HSD17B4: variants seen among roughly 807,000 people sequenced by gnomAD.
The protein encoded by HSD17B4 is hydroxysteroid 17-beta dehydrogenase 4.
In HSD17B4, 70 loss-of-function variants were observed where a neutral mutation model predicts 101.0. The ratio of observed to expected loss-of-function variants is 0.69; its 90% CI spans 0.57 to 0.85. The LOEUF (loss-of-function observed/expected upper bound fraction) is 0.85. Ranked by LOEUF, HSD17B4 falls within the 40% of genes least tolerant of loss-of-function variation. The probability of loss-of-function intolerance (pLI) is 0.00; values close to 1 mark genes in which losing one functional copy is unlikely to be tolerated. For synonymous variants in HSD17B4, 347 were observed against 297.1 expected (o/e 1.17, Z -1.73); for missense variants, 984 against 892.4 (o/e 1.10, Z -1.31).
At chr5:119,482,374 A>T (rs566894401) in intron 8 of HSD17B4, among the ~76,000 whole-genome samples, 5 of 151,904 alleles carry the variant, frequency 3.3e-5, no homozygotes, top group Admixed American at 6.6e-5. Context: ...CACTTTTTCC[A>T]TTAGAGCCCT....
chr5:119,524,521 A>G (rs66831568), intron 17 of HSD17B4, among the ~76,000 whole-genome samples: 20,420 of 152,104 alleles, frequency 0.13, 2,173 homozygotes, highest in African/African-American at 0.29. Flanking sequence ...TGTTTGGTGA[A>G]TTTCTTCCTT....
In HSD17B4 at chr5:119,473,907, G is replaced by A. The variant is rs1224475289; in HGVS notation, c.113-1G>A. The A allele has an allele frequency of 6.5e-7, 1 of 1,544,878 alleles. No individual in the cohort carries two copies. Among genetic ancestry groups the A allele is most frequent in the South Asian group, 1.1e-5 (1 of 89,658 alleles). On this transcript the variant is annotated splice_acceptor_variant, in intron 2 of 23. Transcript: ENST00000510025. LOFTEE classifies it high-confidence loss of function. ...GTTGTTTGCTTGTTTTTGCATTACA[G>A]TGAATGATTTGGGAGGGGACTTCAA...
chr5:119,507,599 C>T (rs988905655), intron 15 of HSD17B4, among the ~76,000 whole-genome samples: 8 of 151,414 alleles, frequency 5.3e-5, no homozygotes, highest in East Asian at 1.9e-4. Flanking sequence ...CTGGCTAACA[C>T]GGTGAAACCC....
intron 2 of HSD17B4, among the ~76,000 whole-genome samples, chr5:119,470,409 A>G (rs1756245291): frequency 6.6e-6 from 1 of 152,114 alleles, no homozygotes; most frequent in Admixed American, 6.5e-5. Flanking sequence ...ATGGTGTCAT[A>G]CTGTAACAGC....
intron 17 of HSD17B4, among the ~76,000 whole-genome samples, chr5:119,517,453 C>T (rs1026423369): frequency 2.0e-5 from 3 of 152,230 alleles, no homozygotes; most frequent in African/African-American, 4.8e-5. Context: ...CTCCACGGCG[C>T]CCAGTCCCAT....
chr5:119,488,109 T>C lies in HSD17B4; in HGVS notation c.623-1083T>C, dbSNP rs74366665. On this transcript the variant is annotated intron_variant, in intron 8 of 23. Coordinates refer to ENST00000510025, the MANE Select transcript of HSD17B4 (RefSeq NM_000414.4). ...CATTTATTTGATCTTTTAGATAAAA[T>C]TGTATGATTTGTAAGACACAAATTG... Among the ~76,000 whole-genome samples the C allele has an allele frequency of 7.0e-3, 1,062 of 152,272 alleles. 14 individuals carry two copies. The highest frequency in any genetic ancestry group is 0.024 in the African/African-American group (1,001 of 41,556).
At chr5:119,469,958 C>T (rs187290058) in intron 2 of HSD17B4, among the ~76,000 whole-genome samples, 269 of 152,060 alleles carry the variant, frequency 1.8e-3, no homozygotes, top group African/African-American at 6.2e-3. Flanking sequence ...GTTGTCTGTC[C>T]CTGGTGGGTG....
intron 2 of HSD17B4, chr5:119,456,639 C>T: frequency 2.1e-6 from 1 of 468,194 alleles, no homozygotes; most frequent in Non-Finnish European, 3.9e-6. Context: ...TCCAGTGACT[C>T]AGGAGGCTGA....
chr5:119,521,104 G>C (rs918872949), intron 17 of HSD17B4, among the ~76,000 whole-genome samples: 1 of 152,198 alleles, frequency 6.6e-6, no homozygotes, highest in African/African-American at 2.4e-5. Context: ...AACGGCTCCT[G>C]TGTATAGTGT....
At chr5:119,463,376 G>A (rs957979806) in intron 2 of HSD17B4, among the ~76,000 whole-genome samples, 1 of 152,084 alleles carries the variant, frequency 6.6e-6, no homozygotes, top group Admixed American at 6.6e-5. Flanking sequence ...TATATACCCA[G>A]CAATGGGATT....
rs374636329 is a variant in HSD17B4 at position 119,507,031 on chromosome 5, C to G, written c.1333+142C>G. 52 of 539,178 alleles carry G rather than the reference C, an allele frequency of 9.6e-5. 2 individuals carry two copies. The highest frequency in any genetic ancestry group is 1.1e-3 in the Middle Eastern group (2 of 1,822). The allele number at this position is 539,178 out of a possible 1,614,324, so 33.4% of individuals were successfully genotyped here. A position where few individuals can be genotyped will look rare whatever the true frequency, so the allele number is the denominator to read the frequency against. On this transcript the variant is annotated intron_variant, in intron 15 of 23. Coordinates refer to ENST00000510025, the MANE Select transcript of HSD17B4 (RefSeq NM_000414.4). ...AAAACAAGATAAGCATTTTTAAACT[C>G]TTTAAGAAAAATAAAGAAGGAGGGG... is the stretch of plus-strand genomic sequence containing the variant.
chr5:119,483,561 C>T (rs969224795), intron 8 of HSD17B4, among the ~76,000 whole-genome samples: 2 of 151,938 alleles, frequency 1.3e-5, no homozygotes, highest in African/African-American at 4.8e-5. Flanking sequence ...TGTATTTTAC[C>T]TTATTCATGT....
Position 119,476,603 on chromosome 5 carries a change from A to G in HSD17B4, c.349+733A>G, listed in dbSNP as rs930813710. 6 of 985,150 alleles carry G rather than the reference A, an allele frequency of 6.1e-6. No homozygotes were observed. The African/African-American group carries it at 8.7e-5, about 14-fold the overall frequency. The allele number at this position is 985,150 out of a possible 1,614,324, so 61.0% of individuals were successfully genotyped here. On this transcript the variant is annotated intron_variant, in intron 6 of 23. Transcript: ENST00000510025. ...GTCTTTGATTTAGAATTAAGCTAAG[A>G]AGAGCTTTTAGTTTCTGCTTCCCTT...
chr5:119,462,890 A>C (rs903576127), intron 2 of HSD17B4, among the ~76,000 whole-genome samples: 4 of 152,174 alleles, frequency 2.6e-5, no homozygotes, highest in Non-Finnish European at 4.4e-5. Flanking sequence ...ATTTGAAAAT[A>C]TAGTATAAAT....
chr5:119,505,584 A>G (rs968056741), intron 14 of HSD17B4, among the ~76,000 whole-genome samples: 1 of 151,970 alleles, frequency 6.6e-6, no homozygotes, highest in African/African-American at 2.4e-5. Flanking sequence ...TTTTTTGTTC[A>G]TTGATTTTGT....
At chr5:119,538,589 T>TG (rs1236834611) in intron 23 of HSD17B4, among the ~76,000 whole-genome samples, 2 of 152,204 alleles carry the variant, frequency 1.3e-5, no homozygotes, top group African/African-American at 4.8e-5. Context: ...GCTGTTACCA[T>TG]GTCGTGTATG....
intron 20 of HSD17B4, among the ~76,000 whole-genome samples, chr5:119,528,105 T>G (rs958638219): frequency 6.6e-6 from 1 of 152,154 alleles, no homozygotes; most frequent in Non-Finnish European, 1.5e-5. Flanking sequence ...CTGGCAATAG[T>G]ATTTTCTTTA....
At position 119,474,395 on chromosome 5, in the gene HSD17B4, C is replaced by T. The variant is rs1748367346; in HGVS notation, c.221-6C>T. On this transcript the variant is annotated splice_region_variant and splice_polypyrimidine_tract_variant and intron_variant, in intron 3 of 23. Coordinates refer to ENST00000510025, the MANE Select transcript of HSD17B4 (RefSeq NM_000414.4). ...GAAATTTCATACAAATTTTCCTTTC[C>T]CTCAGATTCAGTGGAAGAAGGAGAG... 1 of 1,600,638 alleles carries T rather than the reference C, an allele frequency of 6.2e-7. No individual in the cohort carries two copies. Among genetic ancestry groups the T allele is most frequent in the South Asian group, 1.1e-5 (1 of 90,774 alleles).
At position 119,474,255 on chromosome 5, in the gene HSD17B4, T is replaced by A. The variant is rs1372847329; in HGVS notation, c.221-146T>A. The A allele has an allele frequency of 4.1e-6, 3 of 724,988 alleles. No individual in the cohort carries two copies. In the East Asian group the frequency reaches 7.9e-5, roughly 19 times the overall value. 44.9% of individuals were successfully genotyped at this position (724,988 alleles called of 1,614,324 possible). A position where few individuals can be genotyped will look rare whatever the true frequency, so the allele number is the denominator to read the frequency against. ...TATTTTTATTAGTGAGCACATGATA[T>A]AATTAGTAAATTATTGTAGATATGG... On this transcript the variant is annotated intron_variant, in intron 3 of 23. Coordinates refer to ENST00000510025, the MANE Select transcript of HSD17B4 (RefSeq NM_000414.4).
Sources: gnomAD v4.1 joint callset for allele counts (sites outside exome capture counted in the v4.1 genomes callset) on GRCh38, gnomAD v4.1.1 for gene constraint, MANE v1.5 for transcripts, NCBI Gene and HGNC (gene_info 2026-07-23, HGNC 2026-07-21) for gene names.